Variants in HIVEP2 observed in about 807,000 individuals in gnomAD.
HIVEP2 encodes the protein transcription factor HIVEP2.
In HIVEP2, 14 loss-of-function variants were observed where a neutral mutation model predicts 180.7. The observed-to-expected ratio is 0.08, with a 90% CI of 0.05 to 0.12. HIVEP2 has a LOEUF of 0.12. Ranked by LOEUF, HIVEP2 falls within the 10% of genes least tolerant of loss-of-function variation. The pLI, the probability that HIVEP2 is intolerant of heterozygous loss-of-function variation, is 1.00. For synonymous variants in HIVEP2, 1,184 were observed against 1,136.4 expected, an observed-to-expected ratio of 1.04 and a Z score of -0.84; for missense variants, 2,579 against 3,008.5, an observed-to-expected ratio of 0.86 and a Z score of 3.34.
chr6:142,843,120 G>C (rs1347626433), intron 1 of HIVEP2, among the ~76,000 whole-genome samples: 2 of 152,180 alleles, frequency 1.3e-5, no homozygotes, highest in East Asian at 3.8e-4. Flanking sequence ...ATGTAGATGA[G>C]TCACCAGGGG....
Position 142,753,781 on chromosome 6 carries a change from G to T in HIVEP2, c.6667C>A (p.Arg2223=). The T allele has an allele frequency of 6.2e-7, 1 of 1,614,124 alleles. No individual in the cohort carries two copies. Among genetic ancestry groups the T allele is most frequent in the South Asian group, 1.1e-5 (1 of 91,086 alleles). Residue 2223 remains arginine (R), a synonymous_variant, in exon 10 of 10, where the codon CGA becomes AGA. Coordinates refer to ENST00000367603, the MANE Select transcript of HIVEP2 (RefSeq NM_006734.4). ...ACGGGCACCATGGGGATAGGGGCTC[G>T]CACTTGTTGCTGAGAGTGGAGTGGA... The part of the protein sequence containing the change: ...HLPLHSQQQV[R]APIPMVPVGG...
chr6:142,798,291 AAAG>A (rs1427949732), intron 2 of HIVEP2, among the ~76,000 whole-genome samples: 1 of 152,070 alleles, frequency 6.6e-6, no homozygotes, highest in Non-Finnish European at 1.5e-5. Context: ...AAAGAAAAGA[AAAG>A]AAAAGAAACC....
chr6:142,792,612 G>A (rs1448840411), intron 2 of HIVEP2, among the ~76,000 whole-genome samples: 4 of 152,152 alleles, frequency 2.6e-5, no homozygotes, highest in South Asian at 4.2e-4. Flanking sequence ...CTAAGCATGC[G>A]GGGCTTAAAA....
chr6:142,923,224 C>T (rs989488036), intron 1 of HIVEP2, among the ~76,000 whole-genome samples: 3 of 151,692 alleles, frequency 2.0e-5, no homozygotes, highest in East Asian at 1.9e-4. Flanking sequence ...CCCAGCTACT[C>T]GGGAGGCTGA....
intron 2 of HIVEP2, among the ~76,000 whole-genome samples, chr6:142,813,406 C>T (rs918062086): frequency 7.2e-5 from 11 of 152,186 alleles, no homozygotes; most frequent in South Asian, 4.1e-4. Context: ...ATCATTCACA[C>T]TTATGATTTT....
intron 1 of HIVEP2, among the ~76,000 whole-genome samples, chr6:142,907,255 C>T (rs889361945): frequency 1.3e-5 from 2 of 152,206 alleles, no homozygotes; most frequent in Admixed American, 1.3e-4. Context: ...TCAGTATACA[C>T]TACCAAATCA....
In HIVEP2 at chr6:142,773,285, A is replaced by G. The variant is rs1562508753; in HGVS notation, c.1454T>C (p.Val485Ala). The change falls in exon 5 of 10, where the codon GTC (valine) becomes GCC (alanine). Residue 485 changes from valine (V) to alanine (A), a missense_variant. This residue lies in a region of HIVEP2 where 524 missense variants were observed against 563.6 expected (regional missense o/e 0.93). Transcript: ENST00000367603. ...CAGCATGCTCGTTTGACTGGGGTCG[A>G]CATCTCCCTTGCTTGGGATCAGCTG... ...VSQLIPSKGD[V>A]DPSQTSMLKS... The G allele has an allele frequency of 6.2e-7, 1 of 1,614,176 alleles. No homozygotes were observed. Among genetic ancestry groups the G allele is most frequent in the Middle Eastern group, 1.6e-4 (1 of 6,062 alleles).
chr6:142,811,968 G>C (rs181423399), intron 2 of HIVEP2, among the ~76,000 whole-genome samples: 3 of 152,332 alleles, frequency 2.0e-5, no homozygotes, highest in Admixed American at 2.0e-4. Flanking sequence ...GGCAGGAAGG[G>C]ACAGTGGTCC....
intron 1 of HIVEP2, among the ~76,000 whole-genome samples, chr6:142,888,755 T>C (rs1246480008): frequency 5.3e-5 from 8 of 152,302 alleles, no homozygotes; most frequent in Non-Finnish European, 1.5e-5. Flanking sequence ...GCCATGACAA[T>C]TTTACCAAGT....
intron 1 of HIVEP2, among the ~76,000 whole-genome samples, chr6:142,883,957 A>T (rs774645144): frequency 7.2e-5 from 11 of 152,180 alleles, no homozygotes; most frequent in Non-Finnish European, 1.2e-4. Flanking sequence ...TTATAGTGAC[A>T]GTCATTTTTC....
chr6:142,754,858 T>C (rs1775024789), intron 9 of HIVEP2, among the ~76,000 whole-genome samples: 1 of 152,240 alleles, frequency 6.6e-6, no homozygotes, highest in Non-Finnish European at 1.5e-5. Flanking sequence ...ATTTATTTTC[T>C]ATACTGTTTC....
chr6:142,821,881 T>C (rs1220512330), intron 2 of HIVEP2, among the ~76,000 whole-genome samples: 1 of 152,194 alleles, frequency 6.6e-6, no homozygotes, highest in Non-Finnish European at 1.5e-5. Flanking sequence ...CAGGCATGGC[T>C]GGAGATGACC....
intron 1 of HIVEP2, among the ~76,000 whole-genome samples, chr6:142,887,949 G>A (rs1321785882): frequency 1.5e-5 from 2 of 131,600 alleles, no homozygotes; most frequent in Non-Finnish European, 3.2e-5. Flanking sequence ...TATAGCAAAG[G>A]GCGATGCAGC....
chr6:142,761,142 C>T (rs1295060031), intron 8 of HIVEP2, among the ~76,000 whole-genome samples: 2 of 152,152 alleles, frequency 1.3e-5, no homozygotes, highest in South Asian at 2.1e-4. Context: ...CATTAAAATG[C>T]TTTTCAAATT....
intron 9 of HIVEP2, among the ~76,000 whole-genome samples, chr6:142,754,662 A>G (rs1226889128): frequency 6.6e-6 from 1 of 152,252 alleles, no homozygotes; most frequent in East Asian, 1.9e-4. Flanking sequence ...AGTAGTTAAC[A>G]TTATTTCAGA....
At chr6:142,805,187 T>C (rs895547961) in intron 2 of HIVEP2, among the ~76,000 whole-genome samples, 2 of 152,054 alleles carry the variant, frequency 1.3e-5, no homozygotes, top group African/African-American at 2.4e-5. Context: ...GGCTAGCAGA[T>C]GTCTTTAGGG....
chr6:142,841,115 T>G (rs1457655284), intron 1 of HIVEP2, among the ~76,000 whole-genome samples: 1 of 152,116 alleles, frequency 6.6e-6, no homozygotes, highest in African/African-American at 2.4e-5. Context: ...TTATGTAATA[T>G]ATATTAATTT....
chr6:142,787,467 T>A (rs1776030355), intron 2 of HIVEP2, among the ~76,000 whole-genome samples: 1 of 150,510 alleles, frequency 6.6e-6, no homozygotes, highest in Non-Finnish European at 1.5e-5. Context: ...TCAAAAGTAG[T>A]GACTAAAGAT....
chr6:142,911,555 G>T (rs997373629), intron 1 of HIVEP2, among the ~76,000 whole-genome samples: 3 of 152,170 alleles, frequency 2.0e-5, no homozygotes, highest in African/African-American at 7.2e-5. Context: ...ATTTACAGAC[G>T]AGGAGACTAA....
Sources: gnomAD v4.1 joint callset for allele counts (sites outside exome capture counted in the v4.1 genomes callset) on GRCh38, gnomAD v4.1.1 for gene constraint, gnomAD v4.1.1 regional missense constraint, MANE v1.5 for transcripts, NCBI Gene and HGNC (gene_info 2026-07-23, HGNC 2026-07-21) for gene names.